RAVER2: variants seen among roughly 807,000 people sequenced by gnomAD.
The protein encoded by RAVER2 is ribonucleoprotein, PTB binding 2.
In RAVER2, 46 loss-of-function variants were observed where a neutral mutation model predicts 78.1. The ratio of observed to expected loss-of-function variants is 0.59; its 90% CI spans 0.46 to 0.75. The LOEUF (loss-of-function observed/expected upper bound fraction) is 0.75, where lower values mean the gene tolerates loss of function less well. Ranked by LOEUF, RAVER2 falls within the 30% of genes least tolerant of loss-of-function variation. The probability of loss-of-function intolerance (pLI) is 0.00; values close to 1 mark genes in which losing one functional copy is unlikely to be tolerated. For synonymous variants in RAVER2, 311 were observed against 313.3 expected, an observed-to-expected ratio of 0.99 and a Z score of 0.08; for missense variants, 793 against 837.5, an observed-to-expected ratio of 0.95 and a Z score of 0.66.
intron 5 of RAVER2, among the ~76,000 whole-genome samples, chr1:64,797,267 T>C (rs1570564896): frequency 6.6e-6 from 1 of 152,180 alleles, no homozygotes; most frequent in South Asian, 2.1e-4. Flanking sequence ...TTACTGATTT[T>C]TCATCAACTT....
chr1:64,792,379 C>T (rs1382909564), intron 5 of RAVER2, among the ~76,000 whole-genome samples: 1 of 152,158 alleles, frequency 6.6e-6, no homozygotes, highest in African/African-American at 2.4e-5. Flanking sequence ...TTATATTTCC[C>T]TTAATGCAGT....
chr1:64,789,446 G>C lies in RAVER2; in HGVS notation c.1037G>C (p.Ser346Thr). 1.9e-6 allele frequency: 3 copies of C among 1,610,074 alleles called. No homozygotes were observed. The South Asian group carries it at 3.3e-5, about 18-fold the overall frequency. Residue 346 changes from serine to threonine, a missense_variant, in exon 5 of 12, where the codon AGT becomes ACT. By Grantham distance (58) the Ser-to-Thr change is moderately conservative. Transcript: ENST00000294428. ...CCAAATCCAGTACAAATTATGAAAA[G>C]TTTAAACAACCCTGCCATGTTGCAA...
chr1:64,756,397 A>G lies in RAVER2; in HGVS notation c.249+10976A>G, dbSNP rs185151571. Among the ~76,000 whole-genome samples, 9 of 152,234 alleles carry G rather than the reference A, an allele frequency of 5.9e-5. No individual in the cohort carries two copies. The East Asian group carries it at 9.6e-4, about 16-fold the overall frequency. On this transcript the variant is annotated intron_variant, in intron 1 of 11. Coordinates refer to ENST00000294428, the Ensembl canonical transcript of RAVER2. ...CATTTATTTATGGCAATATAGGCTC[A>G]TGGTTTCCTATTTAGTTCAATGGGT...
At chr1:64,819,156 A>G (rs1653823639) in intron 11 of RAVER2, among the ~76,000 whole-genome samples, 4 of 152,348 alleles carry the variant, frequency 2.6e-5, no homozygotes, top group Middle Eastern at 6.8e-3. Flanking sequence ...CCCACAATTA[A>G]GAGAAAAAGT....
At chr1:64,831,068 C>A in exon 12 of RAVER2, 2 of 1,386,400 alleles carry the variant, frequency 1.4e-6, no homozygotes, top group Non-Finnish European at 2.0e-6. Flanking sequence ...TTCAAACTAG[C>A]CATATCCTTT....
chr1:64,787,532 C>T (rs939537771), intron 4 of RAVER2, among the ~76,000 whole-genome samples: 1 of 152,204 alleles, frequency 6.6e-6, no homozygotes, highest in Admixed American at 6.5e-5. Flanking sequence ...TTTCCAAGTT[C>T]TGCCTTCCTC....
At chr1:64,827,834 A>C (rs761241826) in intron 11 of RAVER2, among the ~76,000 whole-genome samples, 1 of 152,200 alleles carries the variant, frequency 6.6e-6, no homozygotes, top group Non-Finnish European at 1.5e-5. Context: ...CTTCATTGCC[A>C]TACTTTTTAC....
At chr1:64,805,315 A>G (rs1226255887) in intron 8 of RAVER2, among the ~76,000 whole-genome samples, 1 of 152,150 alleles carries the variant, frequency 6.6e-6, no homozygotes, top group Non-Finnish European at 1.5e-5. Context: ...GACTTCCCCT[A>G]TTGGATATGC....
At chr1:64,800,125 T>G (rs549040943) in intron 5 of RAVER2, among the ~76,000 whole-genome samples, 3,320 of 144,748 alleles carry the variant, frequency 0.023, 147 homozygotes, top group African/African-American at 0.082. Context: ...TGTTTTTTTG[T>G]TTTTTGTTTT....
intron 2 of RAVER2, 150 bp from the exon 3 acceptor site, chr1:64,777,473 T>C: frequency 3.2e-6 from 2 of 621,406 alleles, no homozygotes; most frequent in Admixed American, 6.4e-5. Flanking sequence ...AATGTCACAA[T>C]GCATTGCATA....
At chr1:64,771,231 A>G (rs964702953) in intron 2 of RAVER2, among the ~76,000 whole-genome samples, 2 of 152,046 alleles carry the variant, frequency 1.3e-5, no homozygotes, top group African/African-American at 2.4e-5. Flanking sequence ...TGGAAACAAC[A>G]CAATTGAAAA....
At chr1:64,771,025 A>G (rs1301358843) in intron 2 of RAVER2, among the ~76,000 whole-genome samples, 1 of 152,042 alleles carries the variant, frequency 6.6e-6, no homozygotes, top group Admixed American at 6.6e-5. Context: ...AAAGTTTTAA[A>G]ATTTTGATGA....
chr1:64,786,753 A>G (rs1570554840), intron 4 of RAVER2, among the ~76,000 whole-genome samples: 1 of 152,136 alleles, frequency 6.6e-6, no homozygotes, highest in Non-Finnish European at 1.5e-5. Context: ...AGATCACACC[A>G]TTGCCCTCCA....
chr1:64,774,760 TTTGGGCAGTATGGCCATTTTTACGA>T (rs1243779273), intron 2 of RAVER2, among the ~76,000 whole-genome samples: 1 of 152,206 alleles, frequency 6.6e-6, no homozygotes, highest in Non-Finnish European at 1.5e-5. Flanking sequence ...TATAAATTAC[TTTGGGCAGTATGGCCATTTTTACGA>T]TATTGATTCT....
At chr1:64,819,252 A>G (rs570432581) in intron 11 of RAVER2, among the ~76,000 whole-genome samples, 21 of 152,326 alleles carry the variant, frequency 1.4e-4, no homozygotes, top group African/African-American at 4.8e-4. Context: ...GGAACTTAAA[A>G]GAAAATAAAG....
chr1:64,815,642 C>T (rs1242369376), intron 11 of RAVER2: 1 of 152,154 alleles, frequency 6.6e-6, no homozygotes, highest in Non-Finnish European at 1.5e-5. Context: ...AGTCTTGTCT[C>T]CACTTTGATT....
chr1:64,807,335 C>A (rs114877918), exon 9 of RAVER2: 2 of 1,614,026 alleles, frequency 1.2e-6, no homozygotes, highest in Admixed American at 1.7e-5. Flanking sequence ...CAGCCAGCCA[C>A]GGTGGGAATG....
chr1:64,826,714 GT>G (rs1654011460), intron 11 of RAVER2, among the ~76,000 whole-genome samples: 1 of 152,204 alleles, frequency 6.6e-6, no homozygotes, highest in African/African-American at 2.4e-5. Flanking sequence ...TAGCTGCTGT[GT>G]TAAATAATGA....
At chr1:64,757,734 T>C (rs1651893174) in intron 1 of RAVER2, among the ~76,000 whole-genome samples, 1 of 152,170 alleles carries the variant, frequency 6.6e-6, no homozygotes, top group South Asian at 2.1e-4. Context: ...TGCTCTCAGG[T>C]CCTCTTAGTA....
Sources: gnomAD v4.1 joint callset for allele counts (sites outside exome capture counted in the v4.1 genomes callset) on GRCh38, gnomAD v4.1.1 for gene constraint, MANE v1.5 for transcripts, NCBI Gene and HGNC (gene_info 2026-07-23, HGNC 2026-07-21) for gene names.